The following OTUD7A variants were observed in gnomAD, a reference collection of about 807,000 sequenced individuals.
The protein encoded by OTUD7A is OTU deubiquitinase 7A, also known as OTU domain-containing protein 7A.
In OTUD7A, 12 loss-of-function variants were observed where a neutral mutation model predicts 65.7. That is an observed-to-expected ratio of 0.18 (90% CI 0.12 to 0.30). The LOEUF is 0.30. Ranked by LOEUF, OTUD7A falls within the 10% of genes least tolerant of loss-of-function variation. The pLI is 1.00. For synonymous variants in OTUD7A, 641 were observed against 586.3 expected (o/e 1.09, Z -1.35); for missense variants, 1,148 against 1,304.8 (o/e 0.88, Z 1.85).
At chr15:31,866,607 A>G (rs1209950594) in intron 1 of OTUD7A, among the ~76,000 whole-genome samples, 4 of 152,212 alleles carry the variant, frequency 2.6e-5, no homozygotes, top group Admixed American at 6.5e-5. Flanking sequence ...GCAGTCTACC[A>G]ATAGGCAAAT....
At chr15:31,684,495 C>CAAGGCTGCAACCAAAATGTGAGTT (rs1220436443) in intron 1 of OTUD7A, among the ~76,000 whole-genome samples, 1 of 152,034 alleles carries the variant, frequency 6.6e-6, no homozygotes, top group African/African-American at 2.4e-5. Context: ...GGGTCTCTCA[C>CAAGGCTGCAACCAAAATGTGAGTT]AAGGCTGCAA....
intron 3 of OTUD7A, among the ~76,000 whole-genome samples, chr15:31,638,790 C>T (rs1411624212): frequency 6.6e-6 from 1 of 152,026 alleles, no homozygotes; most frequent in East Asian, 1.9e-4. Flanking sequence ...ATCTGCAATA[C>T]CTCTGAGGTC....
At chr15:31,678,440 A>G (rs1892640439) in intron 1 of OTUD7A, among the ~76,000 whole-genome samples, 1 of 152,232 alleles carries the variant, frequency 6.6e-6, no homozygotes, top group South Asian at 2.1e-4. Context: ...TCTTCACAGC[A>G]GCCCCTCCCA....
chr15:31,505,171 G>C (rs1157379263), intron 8 of OTUD7A, among the ~76,000 whole-genome samples: 2 of 152,184 alleles, frequency 1.3e-5, no homozygotes, highest in Non-Finnish European at 2.9e-5. Flanking sequence ...TTTTTATTGG[G>C]TGGAATGGGA....
At chr15:31,803,512 T>C (rs1047497580) in intron 1 of OTUD7A, among the ~76,000 whole-genome samples, 4 of 152,216 alleles carry the variant, frequency 2.6e-5, no homozygotes, top group African/African-American at 9.7e-5. Context: ...GGGGTGCCTC[T>C]GCCCTTGTCT....
At chr15:31,672,983 G>C (rs769557089) in intron 1 of OTUD7A, among the ~76,000 whole-genome samples, 2 of 152,198 alleles carry the variant, frequency 1.3e-5, no homozygotes, top group African/African-American at 2.4e-5. Context: ...GTGTATAGCT[G>C]TCATTACAGT....
At chr15:31,522,409 G>A (rs1290325366) in intron 8 of OTUD7A, among the ~76,000 whole-genome samples, 1 of 152,178 alleles carries the variant, frequency 6.6e-6, no homozygotes, top group East Asian at 1.9e-4. Context: ...TTGGGCCTTC[G>A]TGTTACACCA....
chr15:31,610,607 A>ATTTTTTTTTTT (rs1395271113), intron 3 of OTUD7A, among the ~76,000 whole-genome samples: 7 of 39,560 alleles, frequency 1.8e-4, no homozygotes, highest in Non-Finnish European at 2.8e-4. Flanking sequence ...ATATATATAT[A>ATTTTTTTTTTT]TATATATATA....
intron 1 of OTUD7A, among the ~76,000 whole-genome samples, chr15:31,829,516 G>C (rs904392654): frequency 2.0e-4 from 31 of 152,338 alleles, no homozygotes; most frequent in Admixed American, 1.8e-3. Flanking sequence ...TAGACATTGG[G>C]TTGTTCCAAT....
intron 3 of OTUD7A, among the ~76,000 whole-genome samples, chr15:31,572,955 G>GA (rs199814834): frequency 1.6e-4 from 24 of 149,006 alleles, no homozygotes; most frequent in East Asian, 5.9e-4. Flanking sequence ...TAATGGAAAG[G>GA]AAAAAAAAAG....
intron 1 of OTUD7A, among the ~76,000 whole-genome samples, chr15:31,814,502 G>A (rs1453413430): frequency 6.6e-6 from 1 of 152,054 alleles, no homozygotes; most frequent in East Asian, 1.9e-4. Context: ...TTAAGAAAAT[G>A]GAATTCAAAA....
At chr15:31,574,376 T>C (rs1010429696) in intron 3 of OTUD7A, among the ~76,000 whole-genome samples, 4 of 152,182 alleles carry the variant, frequency 2.6e-5, no homozygotes, top group Admixed American at 6.5e-5. Context: ...AATGCAACTA[T>C]TTAAAGAAAA....
intron 1 of OTUD7A, among the ~76,000 whole-genome samples, chr15:31,734,535 T>C (rs1452417764): frequency 6.6e-6 from 1 of 152,206 alleles, no homozygotes; most frequent in African/African-American, 2.4e-5. Flanking sequence ...CAAAACAGCA[T>C]GGTACTGGTA....
At chr15:31,835,737 C>CAT (rs755371055) in intron 1 of OTUD7A, among the ~76,000 whole-genome samples, 5 of 151,998 alleles carry the variant, frequency 3.3e-5, no homozygotes, top group African/African-American at 4.8e-5. Context: ...CATGTACACA[C>CAT]ATATATATAC....
At chr15:31,623,099 G>A (rs28832631) in intron 3 of OTUD7A, among the ~76,000 whole-genome samples, 15 of 152,344 alleles carry the variant, frequency 9.8e-5, no homozygotes, top group African/African-American at 3.6e-4. Context: ...AACAGCGAAT[G>A]TTGCTGCCTG....
intron 10 of OTUD7A, among the ~76,000 whole-genome samples, chr15:31,489,070 A>ACAGCACACACC (rs2041280931): frequency 6.6e-6 from 1 of 152,180 alleles, no homozygotes; most frequent in South Asian, 2.1e-4. Flanking sequence ...TGGCTCAGGG[A>ACAGCACACACC]CAGGTCTCCC....
intron 1 of OTUD7A, among the ~76,000 whole-genome samples, chr15:31,835,773 C>T (rs751841242): frequency 3.3e-5 from 5 of 151,964 alleles, no homozygotes; most frequent in Non-Finnish European, 7.4e-5. Context: ...TATCTGTATA[C>T]ACATACACAT....
intron 3 of OTUD7A, among the ~76,000 whole-genome samples, chr15:31,634,411 A>C (rs1891275229): frequency 6.6e-6 from 1 of 151,338 alleles, no homozygotes; most frequent in African/African-American, 2.4e-5. Flanking sequence ...CTCTACACAC[A>C]CTCTTCCCAG....
chr15:31,541,281 G>A (rs147264162), intron 5 of OTUD7A, among the ~76,000 whole-genome samples: 1 of 152,268 alleles, frequency 6.6e-6, no homozygotes, highest in African/African-American at 2.4e-5. Flanking sequence ...CTGGCCTTTA[G>A]GTGTTAAGCC....
Sources: gnomAD v4.1 joint callset for allele counts (sites outside exome capture counted in the v4.1 genomes callset) on GRCh38, gnomAD v4.1.1 for gene constraint, MANE v1.5 for transcripts, NCBI Gene and HGNC (gene_info 2026-07-23, HGNC 2026-07-21) for gene names.